The following COL24A1 variants were observed in gnomAD, a reference collection of about 807,000 sequenced individuals.
COL24A1 encodes the protein collagen alpha-1(XXIV) chain.
COL24A1 carries 224 observed loss-of-function variants against 253.9 expected under a neutral mutation model. That is an observed-to-expected ratio of 0.88 (90% CI 0.79 to 0.99). The LOEUF is 0.99. COL24A1 is among the 50% of genes least tolerant of loss of function. COL24A1 has a pLI of 0.00. For synonymous variants in COL24A1, 685 were observed against 673.7 expected (o/e 1.02, Z -0.26); for missense variants, 2,131 against 2,068.5 (o/e 1.03, Z -0.59).
chr1:85,877,573 G>A (rs963734535), intron 32 of COL24A1, among the ~76,000 whole-genome samples: 4 of 152,192 alleles, frequency 2.6e-5, no homozygotes, highest in African/African-American at 9.7e-5. Context: ...ATGTTGACCA[G>A]GCTGGTCATG....
At chr1:86,030,267 G>T (rs1405069686) in intron 14 of COL24A1, 1 of 152,230 alleles carries the variant, frequency 6.6e-6, no homozygotes, top group Non-Finnish European at 1.5e-5. Context: ...CCACTCTGAG[G>T]CTTTGTAACA....
At chr1:86,122,092 CT>C (rs1647452863) in intron 3 of COL24A1, among the ~76,000 whole-genome samples, 2 of 144,872 alleles carry the variant, frequency 1.4e-5, no homozygotes, top group African/African-American at 5.2e-5. Context: ...TAAAATCTAC[CT>C]TTAGTCTTCT....
intron 19 of COL24A1, among the ~76,000 whole-genome samples, chr1:86,012,979 T>A (rs1359419): frequency 0.086 from 13,149 of 152,240 alleles, 696 homozygotes; most frequent in Middle Eastern, 0.19. Flanking sequence ...TGGCAGCTAA[T>A]ACATACTGAA....
At chr1:85,833,957 G>A (rs1306293509) in intron 43 of COL24A1, among the ~76,000 whole-genome samples, 2 of 125,568 alleles carry the variant, frequency 1.6e-5, no homozygotes, top group Non-Finnish European at 3.2e-5. Flanking sequence ...CACACTCTGG[G>A]GACTGTTGTG....
intron 48 of COL24A1, among the ~76,000 whole-genome samples, chr1:85,785,883 G>C (rs929113527): frequency 4.6e-5 from 7 of 152,192 alleles, no homozygotes; most frequent in Admixed American, 2.6e-4. Context: ...ACATGTGACA[G>C]ACTCCACACA....
At chr1:85,941,231 C>T (rs1049307800) in intron 24 of COL24A1, among the ~76,000 whole-genome samples, 1 of 152,102 alleles carries the variant, frequency 6.6e-6, no homozygotes, top group African/African-American at 2.4e-5. Flanking sequence ...ATATTTCTTC[C>T]ATGCAGACCT....
intron 43 of COL24A1, among the ~76,000 whole-genome samples, chr1:85,829,907 C>A (rs1194899136): frequency 6.6e-6 from 1 of 152,056 alleles, no homozygotes; most frequent in African/African-American, 2.4e-5. Context: ...TCGTCTGAAG[C>A]CTTCTTCTCT....
chr1:85,823,126 A>G (rs1167444698), intron 45 of COL24A1, among the ~76,000 whole-genome samples: 2 of 152,120 alleles, frequency 1.3e-5, no homozygotes, highest in East Asian at 1.9e-4. Flanking sequence ...CTTCCTTACC[A>G]TGCTTTAACA....
intron 12 of COL24A1, among the ~76,000 whole-genome samples, chr1:86,036,329 A>G (rs1355204360): frequency 6.6e-6 from 1 of 152,032 alleles, no homozygotes; most frequent in Non-Finnish European, 1.5e-5. Flanking sequence ...CTCATTAAAC[A>G]TTTCATTTTA....
At chr1:86,019,997 A>T (rs1251537698) in intron 18 of COL24A1, among the ~76,000 whole-genome samples, 1 of 151,830 alleles carries the variant, frequency 6.6e-6, no homozygotes, top group Non-Finnish European at 1.5e-5. Flanking sequence ...GAAAAACATC[A>T]TAATCACAGG....
intron 2 of COL24A1, among the ~76,000 whole-genome samples, chr1:86,132,882 GT>G (rs1396441193): frequency 1.3e-5 from 2 of 151,770 alleles, no homozygotes; most frequent in African/African-American, 2.4e-5. Context: ...CTTTAAAGTA[GT>G]TTTTTCCAGT....
At chr1:85,908,696 T>C (rs777928563) in intron 26 of COL24A1, 45 bp from the exon 27 acceptor site, 2 of 843,618 alleles carry the variant, frequency 2.4e-6, no homozygotes, top group East Asian at 3.0e-5. Flanking sequence ...ATTCATGACT[T>C]TAAATTATTT....
At chr1:86,087,211 G>A (rs950260001) in intron 7 of COL24A1, among the ~76,000 whole-genome samples, 33 of 152,184 alleles carry the variant, frequency 2.2e-4, no homozygotes, top group Middle Eastern at 3.4e-3. Flanking sequence ...ATCTGTGAAA[G>A]ATATTCAATT....
intron 47 of COL24A1, among the ~76,000 whole-genome samples, chr1:85,801,118 T>C (rs556210864): frequency 9.8e-5 from 15 of 152,350 alleles, no homozygotes; most frequent in African/African-American, 2.6e-4. Flanking sequence ...TTCATTTTTT[T>C]CTTACCTATT....
intron 1 of COL24A1, among the ~76,000 whole-genome samples, chr1:86,147,033 CCT>C (rs1651979448): frequency 6.6e-6 from 1 of 151,870 alleles, no homozygotes; most frequent in Non-Finnish European, 1.5e-5. Flanking sequence ...TAATATAGAC[CCT>C]GATTCTGTTT....
At chr1:85,907,127 C>T in intron 28 of COL24A1, 67 bp downstream of exon 28, 1 of 1,298,412 alleles carries the variant, frequency 7.7e-7, no homozygotes, top group East Asian at 2.3e-5. Context: ...ATTTTTGTTG[C>T]ACATTTTCCA....
At chr1:85,889,727 T>A in intron 31 of COL24A1, 114 bp from the exon 32 acceptor site, 1 of 819,406 alleles carries the variant, frequency 1.2e-6, no homozygotes, top group Non-Finnish European at 2.0e-6. Flanking sequence ...TGTCTATTGC[T>A]ATTCTTTTTT....
intron 52 of COL24A1, among the ~76,000 whole-genome samples, chr1:85,776,951 A>G (rs1273788482): frequency 6.7e-6 from 1 of 150,282 alleles, no homozygotes; most frequent in Non-Finnish European, 1.5e-5. Flanking sequence ...TTATTTATTT[A>G]CTTATTTTTT....
At chr1:86,130,904 A>G (rs1287137728) in intron 2 of COL24A1, among the ~76,000 whole-genome samples, 12 of 151,948 alleles carry the variant, frequency 7.9e-5, no homozygotes, top group Non-Finnish European at 1.8e-4. Context: ...AGCTTCCCCA[A>G]TCACTTCTCT....
Sources: allele counts gnomAD v4.1 joint callset (sites outside exome capture counted in the v4.1 genomes callset), GRCh38; gene constraint gnomAD v4.1.1; transcripts MANE v1.5; gene names NCBI Gene and HGNC (gene_info 2026-07-23, HGNC 2026-07-21).